PDE1C: variants seen among roughly 807,000 people sequenced by gnomAD.
PDE1C encodes the protein dual specificity calcium/calmodulin-dependent 3',5'-cyclic nucleotide phosphodiesterase 1C.
A neutral mutation model predicts 93.1 loss-of-function variants in PDE1C; 62 were observed. The observed-to-expected ratio is 0.67, with a 90% confidence interval of 0.54 to 0.82. PDE1C has a LOEUF of 0.82. Among genes scored for constraint, PDE1C ranks in the 40% least tolerant of loss-of-function variants. PDE1C has a pLI of 0.00. For missense variants in PDE1C, 742 were observed against 884.6 expected, an observed-to-expected ratio of 0.84 and a Z score of 2.04; for synonymous variants, 325 against 310.1, an observed-to-expected ratio of 1.05 and a Z score of -0.50.
At chr7:32,260,375 T>C (rs1251719321) in intron 1 of PDE1C, among the ~76,000 whole-genome samples, 1 of 152,240 alleles carries the variant, frequency 6.6e-6, no homozygotes, top group East Asian at 1.9e-4. Context: ...TGTGTAATTA[T>C]TTCTAGTATT....
intron 3 of PDE1C, among the ~76,000 whole-genome samples, chr7:32,117,800 T>A (rs551500796): frequency 1.4e-4 from 21 of 152,004 alleles, no homozygotes; most frequent in Non-Finnish European, 2.2e-4. Context: ...TGGAATAGAG[T>A]GAGTTATTGA....
chr7:31,838,569 T>G (rs1415041818), intron 9 of PDE1C, among the ~76,000 whole-genome samples: 2 of 152,178 alleles, frequency 1.3e-5, no homozygotes, highest in Non-Finnish European at 2.9e-5. Flanking sequence ...TCACTGGGCA[T>G]GCTGTACAGT....
chr7:31,696,607 T>G, the PDE1C span, among the ~76,000 whole-genome samples: 1 of 152,062 alleles, frequency 6.6e-6, no homozygotes, highest in Non-Finnish European at 1.5e-5. Context: ...AGGATGAGAT[T>G]TGGAGGCAGA....
the PDE1C span, among the ~76,000 whole-genome samples, chr7:31,640,353 T>C: frequency 6.6e-6 from 1 of 152,212 alleles, no homozygotes; most frequent in East Asian, 1.9e-4. Flanking sequence ...AGCTCATCAG[T>C]ACTCAGCTGA....
chr7:31,857,182 C>T (rs1460626369), intron 7 of PDE1C, among the ~76,000 whole-genome samples: 1 of 152,156 alleles, frequency 6.6e-6, no homozygotes, highest in Non-Finnish European at 1.5e-5. Flanking sequence ...GCCCATATAG[C>T]TACTTTGTAA....
intron 3 of PDE1C, among the ~76,000 whole-genome samples, chr7:32,169,589 T>A (rs1802517991): frequency 6.6e-6 from 1 of 152,174 alleles, no homozygotes; most frequent in Non-Finnish European, 1.5e-5. Flanking sequence ...TAACTACTGA[T>A]AAGATCTTCA....
chr7:32,347,188 C>T (rs1485974550), intron 1 of PDE1C, among the ~76,000 whole-genome samples: 1 of 152,182 alleles, frequency 6.6e-6, no homozygotes, highest in Non-Finnish European at 1.5e-5. Flanking sequence ...TAGGAAACCC[C>T]TCAGTCTACA....
At chr7:32,404,867 G>A (rs1192412251) in intron 1 of PDE1C, among the ~76,000 whole-genome samples, 1 of 152,190 alleles carries the variant, frequency 6.6e-6, no homozygotes, top group Non-Finnish European at 1.5e-5. Flanking sequence ...AGGCCTCCTT[G>A]TCATGTTTGC....
the PDE1C span, among the ~76,000 whole-genome samples, chr7:31,700,755 A>G: frequency 2.1e-4 from 32 of 152,240 alleles, no homozygotes; most frequent in African/African-American, 7.0e-4. Context: ...CTCATTTACT[A>G]TTCTGAAAAT....
chr7:32,405,599 C>T (rs1485340485), intron 1 of PDE1C, among the ~76,000 whole-genome samples: 1 of 152,022 alleles, frequency 6.6e-6, no homozygotes, highest in African/African-American at 2.4e-5. Context: ...TTAGCGTGCT[C>T]CTACATGAGG....
intron 1 of PDE1C, among the ~76,000 whole-genome samples, chr7:32,255,983 G>T (rs1179226892): frequency 6.6e-6 from 1 of 152,222 alleles, no homozygotes; most frequent in Non-Finnish European, 1.5e-5. Context: ...CAGCAACTGT[G>T]TGCAGGGGGA....
intron 1 of PDE1C, among the ~76,000 whole-genome samples, chr7:32,255,166 CG>C (rs1295656560): frequency 1.3e-5 from 2 of 152,132 alleles, no homozygotes; most frequent in Non-Finnish European, 1.5e-5. Flanking sequence ...GGGTGGCTGA[CG>C]TCACTTTGCA....
intron 2 of PDE1C, among the ~76,000 whole-genome samples, chr7:31,910,483 A>G (rs1189869831): frequency 2.0e-5 from 3 of 152,196 alleles, no homozygotes; most frequent in Non-Finnish European, 4.4e-5. Context: ...GACAGGCACT[A>G]TCTACTTGCT....
chr7:32,407,738 C>T (rs215743), intron 1 of PDE1C, among the ~76,000 whole-genome samples: 133,815 of 152,086 alleles, frequency 0.88, 59,827 homozygotes, highest in Non-Finnish European at 0.96. Context: ...GATGAAGTGT[C>T]TATTTCATCG....
At chr7:31,654,639 C>G in the PDE1C span, among the ~76,000 whole-genome samples, 1 of 152,076 alleles carries the variant, frequency 6.6e-6, no homozygotes, top group Admixed American at 6.5e-5. Flanking sequence ...TTGTGAGGCT[C>G]CCACCCCAGT....
intron 1 of PDE1C, among the ~76,000 whole-genome samples, chr7:32,362,789 G>A (rs372536108): frequency 2.6e-5 from 4 of 152,282 alleles, no homozygotes; most frequent in East Asian, 3.9e-4. Context: ...CTGATGCAGC[G>A]TCTGCTGCAC....
chr7:31,695,466 T>C, the PDE1C span: 1 of 1,593,322 alleles, frequency 6.3e-7, no homozygotes, highest in East Asian at 2.2e-5. Context: ...CTGTCAAAAT[T>C]AGATGATCTT....
chr7:32,193,130 T>C (rs1325653654), intron 2 of PDE1C, among the ~76,000 whole-genome samples: 2 of 152,170 alleles, frequency 1.3e-5, no homozygotes, highest in South Asian at 2.1e-4. Flanking sequence ...TTTTTATCTG[T>C]ATGTTTTTAA....
At chr7:32,142,238 G>C (rs1298945812) in intron 3 of PDE1C, among the ~76,000 whole-genome samples, 1 of 152,136 alleles carries the variant, frequency 6.6e-6, no homozygotes, top group South Asian at 2.1e-4. Context: ...AGGAAGAGGG[G>C]AGAAGGGGGA....
Sources: allele counts gnomAD v4.1 joint callset (sites outside exome capture counted in the v4.1 genomes callset), GRCh38; gene constraint gnomAD v4.1.1; transcripts MANE v1.5; gene names NCBI Gene and HGNC (gene_info 2026-07-23, HGNC 2026-07-21).